GRID2: variants seen among roughly 807,000 people sequenced by gnomAD.
The protein encoded by GRID2 is glutamate receptor ionotropic, delta-2.
GRID2 carries 33 observed loss-of-function variants against 114.8 expected under a neutral mutation model. That is an observed-to-expected ratio of 0.29 (90% CI 0.22 to 0.38). The LOEUF (loss-of-function observed/expected upper bound fraction) is 0.38. Among genes scored for constraint, GRID2 ranks in the 10% least tolerant of loss-of-function variants. The pLI is 1.00. For synonymous variants in GRID2, 505 were observed against 449.9 expected (o/e 1.12, Z -1.55); for missense variants, 1,184 against 1,257.7 (o/e 0.94, Z 0.89).
intron 13 of GRID2, among the ~76,000 whole-genome samples, chr4:93,522,284 T>A (rs979605478): frequency 6.6e-6 from 1 of 152,068 alleles, no homozygotes; most frequent in Non-Finnish European, 1.5e-5. Flanking sequence ...TTCTGGAGAT[T>A]TGAAGAAAGA....
chr4:93,390,688 A>T lies in GRID2; in HGVS notation c.1246-4919A>T, dbSNP rs186958354. Among the ~76,000 whole-genome samples the T allele has an allele frequency of 4.0e-3, 602 of 152,262 alleles. 6 individuals carry two copies. The South Asian group carries it at 0.053, about 13-fold the overall frequency. ...AATTATAAAAGAAAGGAAAACCTAT[A>T]AAAATAGGATATCATTAAATCAGTT... On this transcript the variant is annotated intron_variant, in intron 8 of 15. Transcript: ENST00000282020.
At chr4:92,719,560 AAAG>A (rs1337935749) in intron 2 of GRID2, among the ~76,000 whole-genome samples, 6 of 152,168 alleles carry the variant, frequency 3.9e-5, no homozygotes, top group African/African-American at 1.4e-4. Context: ...AAAAGAACAG[AAAG>A]TTGACAAATG....
intron 2 of GRID2, among the ~76,000 whole-genome samples, chr4:92,940,604 T>G (rs569690420): frequency 1.2e-3 from 187 of 152,098 alleles, no homozygotes; most frequent in Non-Finnish European, 1.6e-3. Flanking sequence ...CCAACACTAT[T>G]TTGAATAGGA....
At chr4:93,270,174 C>T (rs1751282794) in intron 8 of GRID2, among the ~76,000 whole-genome samples, 1 of 150,758 alleles carries the variant, frequency 6.6e-6, no homozygotes, top group Non-Finnish European at 1.5e-5. Flanking sequence ...TATACCAAAG[C>T]AGATAGGACT....
chr4:92,465,440 GCTT>G (rs916799135), intron 1 of GRID2, among the ~76,000 whole-genome samples: 4 of 151,932 alleles, frequency 2.6e-5, no homozygotes, highest in Non-Finnish European at 5.9e-5. Flanking sequence ...TCACCGGATT[GCTT>G]AATTTGCTTT....
At chr4:92,694,441 G>A (rs942726217) in intron 2 of GRID2, among the ~76,000 whole-genome samples, 8 of 152,086 alleles carry the variant, frequency 5.3e-5, no homozygotes, top group African/African-American at 9.7e-5. Flanking sequence ...CAGCGCTACA[G>A]GGCTAAACAA....
intron 1 of GRID2, among the ~76,000 whole-genome samples, chr4:93,800,109 G>T (rs1037255651): frequency 3.9e-5 from 6 of 152,310 alleles, no homozygotes; most frequent in African/African-American, 1.4e-4. Flanking sequence ...CCTATGTAAT[G>T]TTATAGGTTG....
chr4:92,900,639 G>C lies in GRID2; in HGVS notation c.245-184356G>C, dbSNP rs1246304415. Among the ~76,000 whole-genome samples the C allele has an allele frequency of 2.0e-5, 3 of 152,180 alleles. No homozygotes were observed. The East Asian group carries it at 5.8e-4, about 29-fold the overall frequency. On this transcript the variant is annotated intron_variant, in intron 2 of 15. Coordinates refer to ENST00000282020, the MANE Select transcript of GRID2 (RefSeq NM_001510.4). ...AGGTCAGGAGATCGAGACCATCCTG[G>C]CTAACACGGTGAAACCCTATCTCTA...
At chr4:93,394,625 A>T (rs779601188) in intron 8 of GRID2, among the ~76,000 whole-genome samples, 3 of 151,964 alleles carry the variant, frequency 2.0e-5, no homozygotes, top group Non-Finnish European at 4.4e-5. Flanking sequence ...CCCTATGACC[A>T]TTCAGTTAAT....
At chr4:93,316,480 A>G (rs1756678078) in intron 8 of GRID2, among the ~76,000 whole-genome samples, 2 of 152,146 alleles carry the variant, frequency 1.3e-5, no homozygotes, top group Non-Finnish European at 2.9e-5. Context: ...GGAAACACAC[A>G]TATCAACCAC....
chr4:92,937,233 CT>C (rs1362576596), intron 2 of GRID2, among the ~76,000 whole-genome samples: 1 of 146,570 alleles, frequency 6.8e-6, no homozygotes, highest in Non-Finnish European at 1.5e-5. Flanking sequence ...ATTGCTCATA[CT>C]TTCGGTGTCA....
At chr4:93,521,309 A>T (rs2149498678) in intron 13 of GRID2, among the ~76,000 whole-genome samples, 1 of 152,282 alleles carries the variant, frequency 6.6e-6, no homozygotes, top group South Asian at 2.1e-4. Flanking sequence ...GTGGTCACTG[A>T]GGATATGAGT....
At chr4:93,557,108 G>GA (rs1734398700) in intron 13 of GRID2, among the ~76,000 whole-genome samples, 1 of 151,990 alleles carries the variant, frequency 6.6e-6, no homozygotes, top group Admixed American at 6.6e-5. Context: ...ATATGGAGAG[G>GA]AAAAAACGGT....
intron 12 of GRID2, among the ~76,000 whole-genome samples, chr4:93,492,303 A>G: frequency 6.6e-6 from 1 of 151,926 alleles, no homozygotes; most frequent in East Asian, 1.9e-4. Flanking sequence ...ACATACTATG[A>G]ATAACTCATT....
At position 93,110,769 on chromosome 4, in the gene GRID2, T is replaced by G. The variant is rs1284107927; in HGVS notation, c.551T>G (p.Phe184Cys). 1 of 1,611,870 alleles carries G rather than the reference T, an allele frequency of 6.2e-7. No homozygotes were observed. Among genetic ancestry groups the G allele is most frequent in the East Asian group, 2.2e-5 (1 of 44,852 alleles). ...CCAGATATCCGTGGAATACAGGAGT[T>G]CTTGGACAAAGTCTCTCAGCAGGGA... ...SEYDIRGIQEFLDKVSQQGMD... is the reference protein window; with the variant it reads ...SEYDIRGIQECLDKVSQQGMD... The change falls in exon 4 of 16, where the codon TTC becomes TGC. Residue 184 changes from phenylalanine to cysteine, a missense_variant. By Grantham distance (205) the Phe-to-Cys change is radical (BLOSUM62 -2). Coordinates refer to ENST00000282020, the MANE Select transcript of GRID2 (RefSeq NM_001510.4).
intron 2 of GRID2, among the ~76,000 whole-genome samples, chr4:92,919,674 C>T (rs1168911313): frequency 1.3e-5 from 2 of 152,164 alleles, no homozygotes; most frequent in South Asian, 2.1e-4. Flanking sequence ...GAGTGAGTTT[C>T]TTAATCCTGA....
At chr4:92,413,673 G>A (rs542152537) in intron 1 of GRID2, among the ~76,000 whole-genome samples, 76 of 152,204 alleles carry the variant, frequency 5.0e-4, no homozygotes, top group Non-Finnish European at 8.2e-4. Context: ...CAGGAAACAC[G>A]GGAGAAGTTG....
chr4:93,024,567 T>C (rs989323566), intron 2 of GRID2, among the ~76,000 whole-genome samples: 4 of 151,760 alleles, frequency 2.6e-5, no homozygotes, highest in African/African-American at 9.7e-5. Context: ...GTTTTAAACA[T>C]TGCAAAACCT....
intron 12 of GRID2, among the ~76,000 whole-genome samples, chr4:93,496,818 C>T (rs962536633): frequency 4.6e-5 from 7 of 151,824 alleles, no homozygotes; most frequent in African/African-American, 1.7e-4. Context: ...TGGGCTATTA[C>T]ATATAAAGCT....
Sources: gnomAD v4.1 joint callset for allele counts (sites outside exome capture counted in the v4.1 genomes callset) on GRCh38, gnomAD v4.1.1 for gene constraint, MANE v1.5 for transcripts, NCBI Gene and HGNC (gene_info 2026-07-23, HGNC 2026-07-21) for gene names.